Variants in ZKSCAN2 observed in about 807,000 individuals in gnomAD.
ZKSCAN2 encodes the protein zinc finger protein with KRAB and SCAN domains 2.
Under a neutral mutation model 90.5 loss-of-function variants are expected in ZKSCAN2, and 38 were observed. The ratio of observed to expected loss-of-function variants is 0.42; its 90% CI spans 0.32 to 0.55. The LOEUF (loss-of-function observed/expected upper bound fraction) is 0.55. Ranked by LOEUF, ZKSCAN2 falls within the 20% of genes least tolerant of loss-of-function variation. ZKSCAN2 has a pLI of 0.11. For missense variants in ZKSCAN2, 1,167 were observed against 1,202.6 expected (o/e 0.97, Z 0.44); for synonymous variants, 429 against 421.6 (o/e 1.02, Z -0.22).
At chr16:25,248,842 C>A (rs1248511657) in intron 4 of ZKSCAN2, among the ~76,000 whole-genome samples, 2 of 152,180 alleles carry the variant, frequency 1.3e-5, no homozygotes, top group African/African-American at 4.8e-5. Context: ...AGAGGCACTA[C>A]CATGTTCACT....
At chr16:25,247,563 A>T (rs1962953103) in intron 4 of ZKSCAN2, among the ~76,000 whole-genome samples, 173 bp from the exon 5 acceptor site, 1 of 152,168 alleles carries the variant, frequency 6.6e-6, no homozygotes, top group Admixed American at 6.5e-5. Context: ...CTACTAACTT[A>T]CACGATCATT....
rs1290892408 is a variant in ZKSCAN2 at position 25,243,855 on chromosome 16, T to C, written c.1911A>G (p.Arg637=). 6.2e-7 allele frequency: 1 copy of C among 1,614,114 alleles called. No individual in the cohort carries two copies. Among genetic ancestry groups the C allele is most frequent in the Admixed American group, 1.7e-5 (1 of 60,010 alleles). Residue 637 remains arginine (R), a synonymous_variant, in exon 6 of 7, where the codon AGA becomes AGG. Transcript: ENST00000328086. ...EAVIEDSCSE[R]MSEEEIVQEP... Reference sequence around the variant, plus strand: ...CTTGCACAATTTCCTCCTCGCTCATTCTCTCACTGCAAGAGTCTTCTATTA... The same window carrying C: ...CTTGCACAATTTCCTCCTCGCTCATCCTCTCACTGCAAGAGTCTTCTATTA...
Position 25,239,673 on chromosome 16 carries a change from T to A in ZKSCAN2, c.*143A>T, listed in dbSNP as rs752625884. 19 of 679,722 alleles carry A rather than the reference T, an allele frequency of 2.8e-5. No individual in the cohort carries two copies. Among genetic ancestry groups the A allele is most frequent in the Admixed American group, 8.9e-5 (3 of 33,552 alleles). 42.1% of individuals were successfully genotyped at this position (679,722 alleles called of 1,614,324 possible). Reference sequence around the variant, plus strand: ...AGACTGATGAAGTTAGAGGCAGAGGTGAGAACAGGATGAAAGTGTTTAGTT... The same window carrying A: ...AGACTGATGAAGTTAGAGGCAGAGGAGAGAACAGGATGAAAGTGTTTAGTT... On this transcript the variant is annotated 3_prime_UTR_variant, in exon 7 of 7. Transcript: ENST00000328086.
intron 3 of ZKSCAN2, among the ~76,000 whole-genome samples, chr16:25,252,698 G>T (rs1228570814): frequency 6.6e-6 from 1 of 152,106 alleles, no homozygotes; most frequent in Non-Finnish European, 1.5e-5. Flanking sequence ...CGGGTCACTT[G>T]AAGTCAGGAG....
intron 4 of ZKSCAN2, among the ~76,000 whole-genome samples, chr16:25,247,759 C>T (rs1962955689): frequency 6.6e-6 from 1 of 152,194 alleles, no homozygotes; most frequent in Non-Finnish European, 1.5e-5. Flanking sequence ...CCACATTCCC[C>T]TCCATGCCCA....
chr16:25,244,829 T>A (rs1286221785), intron 5 of ZKSCAN2, among the ~76,000 whole-genome samples: 1 of 152,260 alleles, frequency 6.6e-6, no homozygotes, highest in Non-Finnish European at 1.5e-5. Flanking sequence ...TACTTTGAGA[T>A]GAAATGATCT....
At position 25,240,590 on chromosome 16, in the gene ZKSCAN2, T is replaced by G. The variant is rs1962837282; in HGVS notation, c.2130A>C (p.Ser710=). ...CTTGAAGATTTTCCCATTGTCTTCC[T>G]GAGATGCATTCCCTTTTGCGATATT... ...PSKYRKRECI[S]GRQWENLQGI... is the part of the protein sequence containing the mutation. The change falls in exon 7 of 7, where the codon TCA becomes TCC. Residue 710 remains serine, a synonymous_variant. Coordinates refer to ENST00000328086, the MANE Select transcript of ZKSCAN2 (RefSeq NM_001012981.5). 3 of 1,614,192 alleles carry G rather than the reference T, an allele frequency of 1.9e-6. No individual in the cohort carries two copies. The highest frequency in any genetic ancestry group is 1.7e-6 in the Non-Finnish European group (2 of 1,179,990).
intron 6 of ZKSCAN2, among the ~76,000 whole-genome samples, chr16:25,242,207 G>T: frequency 6.6e-6 from 1 of 152,152 alleles, no homozygotes; most frequent in East Asian, 1.9e-4. Flanking sequence ...GTTCAACATT[G>T]TTCTGCGATT....
chr16:25,255,486 A>G, intron 1 of ZKSCAN2, 94 bp from the exon 2 acceptor site: 1 of 1,337,072 alleles, frequency 7.5e-7, no homozygotes, highest in East Asian at 2.5e-5. Context: ...GGACAGAGAC[A>G]TGAGAAGGAA....
Position 25,257,328 on chromosome 16 carries a change from C to A in ZKSCAN2, c.-201G>T. On this transcript the variant is annotated 5_prime_UTR_variant, in exon 1 of 7. Coordinates refer to ENST00000328086, the MANE Select transcript of ZKSCAN2 (RefSeq NM_001012981.5). ...AAAGGTGAACGTATACTCTAAGATG[C>A]AAAAGCCTGGCCTCTTCTCCAAACA... 1 of 1,351,220 alleles carries A rather than the reference C, an allele frequency of 7.4e-7. No homozygotes were observed. The allele number at this position is 1,351,220 out of a possible 1,614,324, so 83.7% of individuals were successfully genotyped here. A position where few individuals can be genotyped will look rare whatever the true frequency, so the allele number is the denominator to read the frequency against.
At chr16:25,246,336 T>A (rs2141363838) in intron 5 of ZKSCAN2, 1 of 187,282 alleles carries the variant, frequency 5.3e-6, no homozygotes, top group Non-Finnish European at 1.1e-5. Context: ...TTATTTTAGA[T>A]AACGTAATAA....
chr16:25,239,811 C>A lies in ZKSCAN2; in HGVS notation c.*5G>T, dbSNP rs746793053. ...AAGGGGGCATTTAGGAAGAGAAGAT[C>A]ATCATCAAAAAGTTTTCCTAAATTC... On this transcript the variant is annotated 3_prime_UTR_variant, in exon 7 of 7. Transcript: ENST00000328086. The A allele has an allele frequency of 4.5e-6, 7 of 1,564,832 alleles. No individual in the cohort carries two copies. The African/African-American group carries it at 6.9e-5, about 15-fold the overall frequency.
intron 2 of ZKSCAN2, among the ~76,000 whole-genome samples, chr16:25,254,255 T>A (rs544396411): frequency 6.6e-6 from 1 of 152,342 alleles, no homozygotes; most frequent in Admixed American, 6.5e-5. Context: ...GCAGGTTTAG[T>A]GATGTTTCCA....
intron 6 of ZKSCAN2, among the ~76,000 whole-genome samples, chr16:25,242,627 G>A (rs1962871427): frequency 6.6e-6 from 1 of 152,220 alleles, no homozygotes; most frequent in Non-Finnish European, 1.5e-5. Context: ...ATTCAAGGTG[G>A]AGGGAACATC....
At position 25,239,550 on chromosome 16, in the gene ZKSCAN2, G is replaced by A; in HGVS notation, c.*266C>T. 1 of 325,066 alleles carries A rather than the reference G, an allele frequency of 3.1e-6. No homozygotes were observed. Among genetic ancestry groups the A allele is most frequent in the Non-Finnish European group, 5.6e-6 (1 of 177,196 alleles). The allele number at this position is 325,066 out of a possible 1,614,324, so 20.1% of individuals were successfully genotyped here. A position where few individuals can be genotyped will look rare whatever the true frequency, so the allele number is the denominator to read the frequency against. On this transcript the variant is annotated 3_prime_UTR_variant, in exon 7 of 7. Transcript: ENST00000328086. ...CCGAACTTAGCAATCCAGTTGCAGT[G>A]GCCTCAATGTACTGAAGGGTATTTC... is the stretch of plus-strand genomic sequence containing the variant.
At chr16:25,256,623 A>C (rs1226168559) in intron 1 of ZKSCAN2, 106 bp downstream of exon 1, 1 of 1,312,338 alleles carries the variant, frequency 7.6e-7, no homozygotes, top group Non-Finnish European at 1.0e-6. Context: ...TATTAGTACC[A>C]TTTATCTTTC....
intron 4 of ZKSCAN2, among the ~76,000 whole-genome samples, chr16:25,248,219 C>T (rs1962966246): frequency 7.5e-6 from 1 of 134,020 alleles, no homozygotes; most frequent in African/African-American, 2.8e-5. Flanking sequence ...GACATCAAAG[C>T]ACAGGCAATG....
intron 5 of ZKSCAN2, among the ~76,000 whole-genome samples, chr16:25,245,503 T>C (rs1962918758): frequency 6.6e-6 from 1 of 152,134 alleles, no homozygotes; most frequent in Non-Finnish European, 1.5e-5. Flanking sequence ...CGGTGGCTCA[T>C]GCCTGTAATC....
At chr16:25,247,647 A>T (rs1450451000) in intron 4 of ZKSCAN2, among the ~76,000 whole-genome samples, 1 of 152,182 alleles carries the variant, frequency 6.6e-6, no homozygotes, top group Non-Finnish European at 1.5e-5. Context: ...AAGAATATAT[A>T]TTTTTAACCT....
Sources: allele counts gnomAD v4.1 joint callset (sites outside exome capture counted in the v4.1 genomes callset), GRCh38; gene constraint gnomAD v4.1.1; transcripts MANE v1.5; gene names NCBI Gene and HGNC (gene_info 2026-07-23, HGNC 2026-07-21).